PLK5: variants seen among roughly 807,000 people sequenced by gnomAD.
PLK5 encodes the protein inactive serine/threonine-protein kinase PLK5.
Under a neutral mutation model 33.7 loss-of-function variants are expected in PLK5, and 28 were observed. The observed-to-expected ratio is 0.83, with a 90% CI of 0.62 to 1.14. The LOEUF (loss-of-function observed/expected upper bound fraction) is 1.14, where lower values mean the gene tolerates loss of function less well. PLK5 is among the 50% of genes most tolerant of loss of function. PLK5 has a pLI of 0.00. For synonymous variants in PLK5, 225 were observed against 202.2 expected, an observed-to-expected ratio of 1.11 and a Z score of -0.96; for missense variants, 492 against 461.5, an observed-to-expected ratio of 1.07 and a Z score of -0.61.
rs564382444 is a variant in PLK5 at position 1,526,270 on chromosome 19, C to T, written c.-312-216C>T. Among the ~76,000 whole-genome samples, 319 of 151,670 alleles carry T rather than the reference C, an allele frequency of 2.1e-3. 6 individuals are homozygous for T. The highest frequency in any genetic ancestry group is 7.3e-3 in the African/African-American group (301 of 41,234). On this transcript the variant is annotated intron_variant, in intron 3 of 13. Transcript: ENST00000454744. The stretch of plus-strand genomic sequence containing the variant: ...CTCAAGGTGGTGCCAGGTGCGGGGC[C>T]GGGGCCGGGCAGCTGTGCCCGTGGG...
rs1265427197 is a variant in PLK5 at position 1,524,431 on chromosome 19, G to C, written c.-544+185G>C. Among the ~76,000 whole-genome samples the C allele has an allele frequency of 6.6e-6, 1 of 152,100 alleles. No individual in the cohort carries two copies. The highest frequency in any genetic ancestry group is 2.4e-5 in the African/African-American group (1 of 41,450). On this transcript the variant is annotated intron_variant, in intron 1 of 13. Coordinates refer to ENST00000454744, the MANE Select transcript of PLK5 (RefSeq NM_001243079.2). The surrounding 1 kb of genome is among the most constrained non-coding windows in gnomAD (Gnocchi z 4.5). Reference sequence around the variant, plus strand: ...TTTCGCATGGCGGGAACCGTGTTGAGCGCGCTGTGCGTCGTGTCCGTGGGT... The same window carrying C: ...TTTCGCATGGCGGGAACCGTGTTGACCGCGCTGTGCGTCGTGTCCGTGGGT...
In PLK5 at chr19:1,535,663, G is replaced by C; in HGVS notation, c.*413G>C. The C allele has an allele frequency of 5.3e-6, 1 of 190,454 alleles. No homozygotes were observed. Among genetic ancestry groups the C allele is most frequent in the Non-Finnish European group, 1.1e-5 (1 of 94,038 alleles). 11.8% of individuals were successfully genotyped at this position (190,454 alleles called of 1,614,324 possible). A position where few individuals can be genotyped will look rare whatever the true frequency, so the allele number is the denominator to read the frequency against. On this transcript the variant is annotated 3_prime_UTR_variant, in exon 14 of 14. Coordinates refer to ENST00000454744, the MANE Select transcript of PLK5 (RefSeq NM_001243079.2). ...TTTGGGAGGCCAAGGCAGGAGGATC[G>C]CTTGGGCCCAGGAGTTTGAGACCAG...
rs1012935214 is a variant in PLK5 at position 1,535,224 on chromosome 19, G to C, written c.985G>C (p.Ala329Pro). The change falls in exon 14 of 14, where the codon GCC becomes CCC. Residue 329 changes from alanine to proline, a missense_variant. Ala to Pro is a conservative substitution (Grantham distance 27, BLOSUM62 -1). Coordinates refer to ENST00000454744, the MANE Select transcript of PLK5 (RefSeq NM_001243079.2). The stretch of plus-strand genomic sequence containing the variant: ...CACCACCGGACAGCACCTTCACCAC[G>C]CCCTCCGCATGCTGCAGAGTATCTA... The part of the protein sequence containing the change: ...APTTGQHLHH[A>P]LRMLQSI 2.0e-6 allele frequency: 3 copies of C among 1,535,812 alleles called. No individual in the cohort carries two copies. In the African/African-American group the frequency reaches 4.1e-5, roughly 21 times the overall value.
At chr19:1,525,452 T>C (rs2456165) in intron 2 of PLK5, 34 bp downstream of exon 2, 6 of 54,570 alleles carry the variant, frequency 1.1e-4, no homozygotes, top group East Asian at 6.0e-4. Context: ...GGGCCCACAG[T>C]CCGCAGCCCG....
intron 10 of PLK5, 119 bp downstream of exon 10, chr19:1,529,609 C>G: frequency 1.4e-6 from 2 of 1,413,408 alleles, no homozygotes; most frequent in Non-Finnish European, 1.9e-6. Flanking sequence ...CTCACCTTTC[C>G]CGCCTGTCAA....
At position 1,529,710 on chromosome 19, in the gene PLK5, C is replaced by G. The variant is rs534167994; in HGVS notation, c.491-37C>G. The G allele has an allele frequency of 3.3e-6, 5 of 1,533,470 alleles. No homozygotes were observed. In the Admixed American group the frequency reaches 7.8e-5, roughly 24 times the overall value. The allele number at this position is 1,533,470 out of a possible 1,614,324, so 95.0% of individuals were successfully genotyped here. A position where few individuals can be genotyped will look rare whatever the true frequency, so the allele number is the denominator to read the frequency against. ...GTTGGAAGAGCCTGGTGGTGGGAACCCAGACCTGTCTGCGGCACAAAGACC... is the reference window on the plus strand; with the variant it reads ...GTTGGAAGAGCCTGGTGGTGGGAACGCAGACCTGTCTGCGGCACAAAGACC... On this transcript the variant is annotated intron_variant, in intron 10 of 13. Transcript: ENST00000454744.
rs1003605330 is a variant in PLK5, at chr19:1,528,083, G to A, written c.150G>A (p.Pro50=). 5.9e-5 allele frequency: 90 copies of A among 1,535,854 alleles called. No individual in the cohort carries two copies. The highest frequency in any genetic ancestry group is 4.5e-4 in the Admixed American group (23 of 50,962). Residue 50 remains proline, a synonymous_variant, in exon 7 of 14, where the codon CCG becomes CCA. Transcript: ENST00000454744. ...TCGTGCACCTCCTAGCACCCAACCC[G>A]GCCGAGCGGCCCAGCCTGGACCACC... ...RLIVHLLAPN[P]AERPSLDHLL... is the part of the protein sequence containing the mutation.
chr19:1,527,056 G>T (rs1487060323), intron 6 of PLK5, 58 bp downstream of exon 6: 12 of 1,177,022 alleles, frequency 1.0e-5, no homozygotes, highest in African/African-American at 1.5e-5. Context: ...GTGTGGCGGG[G>T]GGGGAGCCTG....
intron 3 of PLK5, among the ~76,000 whole-genome samples, chr19:1,525,948 G>T (rs75177101): frequency 1.3e-5 from 2 of 152,128 alleles, no homozygotes; most frequent in African/African-American, 2.4e-5. Flanking sequence ...CATCAGGCCC[G>T]TCTCAGACTC....
intron 11 of PLK5, 140 bp downstream of exon 11, chr19:1,529,964 C>G (rs1913879967): frequency 9.2e-6 from 8 of 870,370 alleles, no homozygotes; most frequent in Non-Finnish European, 1.4e-5. Context: ...ACGGTGACAT[C>G]AGGAGAGTGG....
At position 1,535,618 on chromosome 19, in the gene PLK5, C is replaced by T. The variant is rs1914074375; in HGVS notation, c.*368C>T. The T allele has an allele frequency of 4.5e-6, 1 of 221,624 alleles. No homozygotes were observed. Among genetic ancestry groups the T allele is most frequent in the Non-Finnish European group, 8.8e-6 (1 of 113,668 alleles). 13.7% of individuals were successfully genotyped at this position (221,624 alleles called of 1,614,324 possible). On this transcript the variant is annotated 3_prime_UTR_variant, in exon 14 of 14. Coordinates refer to ENST00000454744, the MANE Select transcript of PLK5 (RefSeq NM_001243079.2). ...AGCACCAGAGGCCAGTGTAGTGGCT[C>T]ATGCCTGGAATCCCAGCACTTTGGG...
intron 8 of PLK5, 35 bp from the exon 9 acceptor site, chr19:1,528,863 G>C (rs528738275): frequency 1.4e-6 from 2 of 1,451,928 alleles, no homozygotes; most frequent in Non-Finnish European, 1.8e-6. Flanking sequence ...TGGGGCCCAG[G>C]CTGTGCCCCC....
rs977706200 is a variant in PLK5, at chr19:1,527,161, C to T, written c.2+163C>T. Among the ~76,000 whole-genome samples the T allele has an allele frequency of 3.3e-5, 5 of 149,698 alleles. No homozygotes were observed. The South Asian group carries it at 6.4e-4, about 19-fold the overall frequency. ...TATGAACAGGACGTGTGTGGGGAGG[C>T]GTGTGTGAGGGAGGACGGGGGAGGG... On this transcript the variant is annotated intron_variant, in intron 6 of 13. Transcript: ENST00000454744.
In PLK5 at chr19:1,528,249, G is replaced by A. The variant is rs1036406308; in HGVS notation, c.202-53G>A. 5 of 1,535,586 alleles carry A rather than the reference G, an allele frequency of 3.3e-6. No individual in the cohort carries two copies. The African/African-American group carries it at 6.8e-5, about 21-fold the overall frequency. ...CCGCCCTGTCCCAGGTAACCCAGGTGCTCAGGGGCTGGGTGACCTAAGCCG... is the reference window on the plus strand; with the variant it reads ...CCGCCCTGTCCCAGGTAACCCAGGTACTCAGGGGCTGGGTGACCTAAGCCG... On this transcript the variant is annotated intron_variant, in intron 7 of 13. Transcript: ENST00000454744.
At chr19:1,526,823 C>G (rs547473983) in intron 5 of PLK5, 32 bp downstream of exon 5, 23 of 792,930 alleles carry the variant, frequency 2.9e-5, no homozygotes, top group Non-Finnish European at 4.5e-5. Flanking sequence ...CTGAGCAGTC[C>G]GTCCGGGTGG....
At position 1,526,748 on chromosome 19, in the gene PLK5, C is replaced by T. The variant is rs1913752492; in HGVS notation, c.-138C>T. ...GAACATGGAGGTGAAGATTGGAGAC[C>T]TGGGACTGGCGGCCAAGGTGGGGCC... On this transcript the variant is annotated 5_prime_UTR_variant, in exon 5 of 14. Transcript: ENST00000454744. 4 of 567,390 alleles carry T rather than the reference C, an allele frequency of 7.0e-6. No homozygotes were observed. In the South Asian group the frequency reaches 8.1e-5, roughly 11 times the overall value. 35.1% of individuals were successfully genotyped at this position (567,390 alleles called of 1,614,324 possible).
intron 10 of PLK5, 75 bp from the exon 11 acceptor site, chr19:1,529,658 TGGATGGAGCCGTGG>T: frequency 6.9e-7 from 1 of 1,439,776 alleles, no homozygotes; most frequent in Admixed American, 2.0e-5. Flanking sequence ...GAGATGTTCC[TGGATGGAGCCGTGG>T]GGAGGGGGAC....
chr19:1,531,502 C>G (rs1378372502), intron 11 of PLK5, among the ~76,000 whole-genome samples: 1 of 152,184 alleles, frequency 6.6e-6, no homozygotes, highest in Non-Finnish European at 1.5e-5. Context: ...ATTGCTCATT[C>G]CCAGGGGTGC....
intron 6 of PLK5, 73 bp downstream of exon 6, chr19:1,527,071 GA>G: frequency 7.1e-7 from 1 of 1,402,270 alleles, no homozygotes; most frequent in Non-Finnish European, 9.6e-7. Flanking sequence ...AGCCTGCACG[GA>G]ACAGGTGGGG....
Sources: gnomAD v4.1 joint callset for allele counts (sites outside exome capture counted in the v4.1 genomes callset) on GRCh38, gnomAD v4.1.1 for gene constraint, Gnocchi (gnomAD v3.1) non-coding constraint, MANE v1.5 for transcripts, NCBI Gene and HGNC (gene_info 2026-07-23, HGNC 2026-07-21) for gene names.